Variants in ADAM22 observed in about 807,000 individuals in gnomAD.
The protein encoded by ADAM22 is disintegrin and metalloproteinase domain-containing protein 22.
A neutral mutation model predicts 144.6 loss-of-function variants in ADAM22; 65 were observed. The ratio of observed to expected loss-of-function variants is 0.45; its 90% confidence interval spans 0.37 to 0.55. The LOEUF (loss-of-function observed/expected upper bound fraction) is 0.55. ADAM22 is among the 20% of genes least tolerant of loss of function. ADAM22 has a pLI of 0.00. For missense variants in ADAM22, 974 were observed against 1,184.9 expected (o/e 0.82, Z 2.61); for synonymous variants, 391 against 412.6 (o/e 0.95, Z 0.63).
Position 88,152,265 on chromosome 7 carries a change from T to A in ADAM22, c.1681+945T>A, listed in dbSNP as rs182679247. On this transcript the variant is annotated intron_variant, in intron 20 of 31. Transcript: ENST00000413139. Reference sequence around the variant, plus strand: ...CTACCGACATAACTATTGTTTTTTTTAAAAATATACCAACAATTATCCTTT... The same window carrying A: ...CTACCGACATAACTATTGTTTTTTTAAAAAATATACCAACAATTATCCTTT... 2.8e-3 allele frequency among the ~76,000 whole-genome samples: 433 copies of A among 152,306 alleles called. 1 individual carries two copies. The highest frequency in any genetic ancestry group is 8.7e-3 in the African/African-American group (361 of 41,572).
chr7:88,171,546 A>C lies in ADAM22; in HGVS notation c.2285A>C (p.Asn762Thr). 1 of 1,593,670 alleles carries C rather than the reference A, an allele frequency of 6.3e-7. No homozygotes were observed. Among genetic ancestry groups the C allele is most frequent in the Non-Finnish European group, 8.5e-7 (1 of 1,172,396 alleles). Reference protein sequence around the residue: ...ILGITAWGYKNYREQRQLPQG... With the variant: ...ILGITAWGYKTYREQRQLPQG... ...TTTCTCTTCTTGTCCATGAAAAGAA[A>C]CTATCGAGAACAGAGGTATGTAATA... The change falls in exon 26 of 32, where the codon AAC (asparagine) becomes ACC (threonine). Residue 762 changes from asparagine to threonine, a missense_variant and splice_region_variant. By Grantham distance (65) the Asn-to-Thr change is moderately conservative. Around this residue, in one of 2 missense-constraint regions of ADAM22, gnomAD observed 734 missense variants for 950.6 expected, o/e 0.77. Coordinates refer to ENST00000413139, the MANE Select transcript of ADAM22 (RefSeq NM_001324418.2).
At chr7:88,160,653 GAC>G (rs1841342534) in intron 22 of ADAM22, among the ~76,000 whole-genome samples, 1 of 152,060 alleles carries the variant, frequency 6.6e-6, no homozygotes, top group South Asian at 2.1e-4. Context: ...CTGCTATAAA[GAC>G]ACATGCCCAC....
At position 88,146,996 on chromosome 7, in the gene ADAM22, A is replaced by T. The variant is rs17150268; in HGVS notation, c.1485+1489A>T. Among the ~76,000 whole-genome samples, 744 of 152,336 alleles carry T rather than the reference A, an allele frequency of 4.9e-3. 9 individuals are homozygous for T. The highest frequency in any genetic ancestry group is 0.017 in the African/African-American group (712 of 41,578). The stretch of plus-strand genomic sequence containing the variant: ...CTGCCGTAACAAGACATCCTGAATT[A>T]TTTATCTTAATCCTCAATGTTTTAA... On this transcript the variant is annotated intron_variant, in intron 17 of 31. Transcript: ENST00000413139.
intron 4 of ADAM22, among the ~76,000 whole-genome samples, chr7:88,085,151 C>A (rs994191736): frequency 1.3e-5 from 2 of 152,130 alleles, no homozygotes; most frequent in African/African-American, 2.4e-5. Context: ...CCTGTAACAC[C>A]TTCCTTAAGA....
intron 3 of ADAM22, among the ~76,000 whole-genome samples, chr7:88,060,632 G>A (rs962996850): frequency 6.6e-6 from 1 of 151,856 alleles, no homozygotes; most frequent in African/African-American, 2.4e-5. Context: ...CGGGCATGGT[G>A]GCGGGTGCCT....
intron 3 of ADAM22, among the ~76,000 whole-genome samples, chr7:88,001,369 G>GCATTTT (rs1381172210): frequency 2.0e-5 from 3 of 152,110 alleles, no homozygotes. Flanking sequence ...TTTGTGTTAA[G>GCATTTT]CATTTTCATG....
intron 3 of ADAM22, among the ~76,000 whole-genome samples, chr7:87,996,666 A>G (rs957993226): frequency 1.3e-5 from 2 of 152,256 alleles, no homozygotes; most frequent in Non-Finnish European, 2.9e-5. Flanking sequence ...GGTTTACCCC[A>G]TAAATTCTGG....
intron 24 of ADAM22, among the ~76,000 whole-genome samples, chr7:88,167,022 A>G (rs553756073): frequency 4.8e-4 from 73 of 152,292 alleles, no homozygotes; most frequent in African/African-American, 1.7e-3. Context: ...GTTGGAGTCC[A>G]CTAGTCTGCT....
chr7:88,022,590 T>C (rs1225327751), intron 3 of ADAM22, among the ~76,000 whole-genome samples: 4 of 152,170 alleles, frequency 2.6e-5, no homozygotes, highest in Non-Finnish European at 4.4e-5. Flanking sequence ...TAGAGAAAAT[T>C]GTCTGGAAAT....
intron 4 of ADAM22, among the ~76,000 whole-genome samples, chr7:88,077,250 T>C (rs1408659494): frequency 6.6e-6 from 1 of 152,214 alleles, no homozygotes; most frequent in African/African-American, 2.4e-5. Flanking sequence ...TCAAATGACA[T>C]TCTGAAGATA....
chr7:88,076,025 T>G (rs931944332), intron 4 of ADAM22, among the ~76,000 whole-genome samples: 1 of 152,110 alleles, frequency 6.6e-6, no homozygotes, highest in African/African-American at 2.4e-5. Context: ...TTTTATTTTA[T>G]TTTTTTGAGA....
intron 2 of ADAM22, among the ~76,000 whole-genome samples, chr7:87,935,424 A>C (rs1431424434): frequency 6.6e-6 from 1 of 152,216 alleles, no homozygotes; most frequent in Non-Finnish European, 1.5e-5. Flanking sequence ...GGGTGCCTTC[A>C]GCAGTGCGGT....
intron 3 of ADAM22, among the ~76,000 whole-genome samples, chr7:88,004,864 A>T (rs951457023): frequency 6.6e-5 from 10 of 152,108 alleles, no homozygotes; most frequent in South Asian, 6.2e-4. Flanking sequence ...AGAAAATGAC[A>T]TTTTTTCCAA....
intron 2 of ADAM22, among the ~76,000 whole-genome samples, chr7:87,952,729 C>G (rs908786810): frequency 6.6e-6 from 1 of 151,142 alleles, no homozygotes; most frequent in Non-Finnish European, 1.5e-5. Flanking sequence ...ACCAGTTCCT[C>G]CTTGTACCTC....
chr7:87,998,580 C>T (rs1053645511), intron 3 of ADAM22, among the ~76,000 whole-genome samples: 10 of 151,920 alleles, frequency 6.6e-5, no homozygotes, highest in Non-Finnish European at 1.2e-4. Context: ...TAGTAGAGGC[C>T]GGGTTTCACT....
intron 3 of ADAM22, 101 bp downstream of exon 3, chr7:87,978,513 A>T: frequency 1.1e-6 from 1 of 919,840 alleles, no homozygotes; most frequent in Non-Finnish European, 1.7e-6. Context: ...TTGTCTTCCT[A>T]TACCGGTTAA....
intron 5 of ADAM22, among the ~76,000 whole-genome samples, chr7:88,109,824 G>A (rs1475900583): frequency 6.6e-6 from 1 of 152,054 alleles, no homozygotes; most frequent in Non-Finnish European, 1.5e-5. Flanking sequence ...CATGCCACCT[G>A]AAGACAGTGG....
At position 88,036,909 on chromosome 7, in the gene ADAM22, A is replaced by G. The variant is rs115377893; in HGVS notation, c.324-38717A>G. Among the ~76,000 whole-genome samples the G allele has an allele frequency of 2.8e-3, 421 of 152,168 alleles. 3 individuals carry two copies. Among genetic ancestry groups the G allele is most frequent in the African/African-American group, 9.8e-3 (408 of 41,540 alleles). On this transcript the variant is annotated intron_variant, in intron 3 of 31. Transcript: ENST00000413139. ...TTCCTTTCCCAATGAGAATATATATATATTTTATGTCATGTCATTGTGATC... is the reference window on the plus strand; with the variant it reads ...TTCCTTTCCCAATGAGAATATATATGTATTTTATGTCATGTCATTGTGATC...
At chr7:88,083,806 T>C (rs1306550853) in intron 4 of ADAM22, among the ~76,000 whole-genome samples, 2 of 152,088 alleles carry the variant, frequency 1.3e-5, no homozygotes, top group Non-Finnish European at 2.9e-5. Context: ...GAACTGAAGA[T>C]TGGTGAATTG....
Sources: allele counts gnomAD v4.1 joint callset (sites outside exome capture counted in the v4.1 genomes callset), GRCh38; gene constraint gnomAD v4.1.1; regional missense constraint gnomAD v4.1.1; transcripts MANE v1.5; gene names NCBI Gene and HGNC (gene_info 2026-07-23, HGNC 2026-07-21).